Variants in RAB8A observed in about 807,000 individuals in gnomAD.
RAB8A encodes RAB8A, member RAS oncogene family.
A neutral mutation model predicts 29.2 loss-of-function variants in RAB8A; 5 were observed. The ratio of observed to expected loss-of-function variants is 0.17; its 90% CI spans 0.09 to 0.36. The LOEUF is 0.36. Ranked by LOEUF, RAB8A falls within the 10% of genes least tolerant of loss-of-function variation. RAB8A has a pLI of 1.00. For synonymous variants in RAB8A, 108 were observed against 99.9 expected, an observed-to-expected ratio of 1.08 and a Z score of -0.49; for missense variants, 171 against 272.2, an observed-to-expected ratio of 0.63 and a Z score of 2.62.
intron 2 of RAB8A, among the ~76,000 whole-genome samples, chr19:16,120,342 TCA>T (rs1019033030): frequency 4.1e-5 from 6 of 147,282 alleles, no homozygotes; most frequent in African/African-American, 1.3e-4. Flanking sequence ...TGACAAAGTC[TCA>T]CTCTGTCACC....
intron 2 of RAB8A, among the ~76,000 whole-genome samples, chr19:16,118,964 C>T (rs1276542387): frequency 1.3e-5 from 2 of 152,226 alleles, no homozygotes; most frequent in South Asian, 2.1e-4. Flanking sequence ...GCCCTGCACA[C>T]ATGCCACTCG....
intron 2 of RAB8A, among the ~76,000 whole-genome samples, chr19:16,121,037 C>A (rs142281554): frequency 0.015 from 2,262 of 151,874 alleles, 56 homozygotes; most frequent in African/African-American, 0.052. Flanking sequence ...CTGCCTCAGC[C>A]TCCCAGGTAG....
rs973977710 is a variant in RAB8A at position 16,133,457 on chromosome 19, T to C, written c.*1153T>C. 3.9e-5 allele frequency: 6 copies of C among 152,210 alleles called. No individual in the cohort carries two copies. The highest frequency in any genetic ancestry group is 7.4e-5 in the Non-Finnish European group (5 of 67,954). The allele number at this position is 152,210 out of a possible 1,614,324, so 9.4% of individuals were successfully genotyped here. On this transcript the variant is annotated 3_prime_UTR_variant, in exon 8 of 8. Coordinates refer to ENST00000300935, the MANE Select transcript of RAB8A (RefSeq NM_005370.5). Reference sequence around the variant, plus strand: ...CAGCCTTTTCTTTTTTTCTTTCTTTTTTTTTTTTTCCTCCTTAAGCTGCTG... The same window carrying C: ...CAGCCTTTTCTTTTTTTCTTTCTTTCTTTTTTTTTCCTCCTTAAGCTGCTG...
intron 7 of RAB8A, among the ~76,000 whole-genome samples, chr19:16,131,852 AT>A (rs2090925767): frequency 7.0e-6 from 1 of 142,406 alleles, no homozygotes; most frequent in African/African-American, 2.6e-5. Context: ...GTATAGATGG[AT>A]GGTTGGTTGG....
At chr19:16,121,350 G>T (rs573988731) in intron 2 of RAB8A, among the ~76,000 whole-genome samples, 6 of 152,336 alleles carry the variant, frequency 3.9e-5, no homozygotes, top group African/African-American at 1.2e-4. Flanking sequence ...CAGATGAGGA[G>T]GGACTTTCCC....
intron 6 of RAB8A, among the ~76,000 whole-genome samples, chr19:16,129,255 C>T (rs111951671): frequency 4.6e-5 from 7 of 152,214 alleles, no homozygotes; most frequent in Admixed American, 2.6e-4. Flanking sequence ...AACTGAGTGT[C>T]GCCCCATCTC....
At chr19:16,120,999 C>T (rs1212089404) in intron 2 of RAB8A, among the ~76,000 whole-genome samples, 3 of 151,742 alleles carry the variant, frequency 2.0e-5, no homozygotes, top group African/African-American at 7.3e-5. Context: ...TCACTGCAGC[C>T]TCCACCTCCT....
At position 16,122,732 on chromosome 19, in the gene RAB8A, G is replaced by T. The variant is rs2090880582; in HGVS notation, c.246+922G>T. Among the ~76,000 whole-genome samples, 1 of 152,180 alleles carries T rather than the reference G, an allele frequency of 6.6e-6. No individual in the cohort carries two copies. Among genetic ancestry groups the T allele is most frequent in the Non-Finnish European group, 1.5e-5 (1 of 68,038 alleles). ...AGACTTGTGGAGGGTGGAGATGGAA[G>T]GAGGCATTATGTGTTTAGAGCATCC... On this transcript the variant is annotated intron_variant, in intron 3 of 7. Transcript: ENST00000300935. This position sits in a 1 kb window ranked among gnomAD's most constrained non-coding sequence, Gnocchi z 4.7.
At chr19:16,129,331 A>C (rs1386823333) in intron 6 of RAB8A, among the ~76,000 whole-genome samples, 1 of 151,694 alleles carries the variant, frequency 6.6e-6, no homozygotes, top group African/African-American at 2.4e-5. Flanking sequence ...TGCGGAAGTG[A>C]GAGTTGATGT....
At chr19:16,121,997 C>A in intron 3 of RAB8A, 187 bp downstream of exon 3, 1 of 539,660 alleles carries the variant, frequency 1.9e-6, no homozygotes. Flanking sequence ...TACATACCTC[C>A]CCTTCTGGCT....
chr19:16,127,496 G>C lies in RAB8A; in HGVS notation c.384G>C (p.Lys128Asn), dbSNP rs369762374. 3.9e-6 allele frequency: 6 copies of C among 1,544,750 alleles called. No individual in the cohort carries two copies. The highest frequency in any genetic ancestry group is 5.2e-6 in the Non-Finnish European group (6 of 1,149,402). The change falls in exon 5 of 8, where the codon AAG (lysine) becomes AAC (asparagine). Residue 128 changes from lysine to asparagine, a missense_variant. Lys to Asn is a moderately conservative substitution (Grantham distance 94). Around this residue, in one of 3 missense-constraint regions of RAB8A, gnomAD observed 145 missense variants for 212.8 expected, o/e 0.68. Transcript: ENST00000300935. This position sits in a 1 kb window ranked among gnomAD's most constrained non-coding sequence, Gnocchi z 4.8. ...ILGNKCDVNDKRQVSKERGEK... is the reference protein window; with the variant it reads ...ILGNKCDVNDNRQVSKERGEK... ...GGAACAAGTGTGATGTGAATGACAAGAGACAAGTTTCCAAGGAACGGGGAG... is the reference window on the plus strand; with the variant it reads ...GGAACAAGTGTGATGTGAATGACAACAGACAAGTTTCCAAGGAACGGGGAG...
At chr19:16,118,868 G>A (rs2090859534) in intron 2 of RAB8A, among the ~76,000 whole-genome samples, 1 of 152,200 alleles carries the variant, frequency 6.6e-6, no homozygotes, top group Admixed American at 6.5e-5. Context: ...ATACAATTAG[G>A]GAAGTGGGGA....
rs2090893691 is a variant in RAB8A at position 16,125,178 on chromosome 19, C to T, written c.247-292C>T. On this transcript the variant is annotated intron_variant, in intron 3 of 7. Coordinates refer to ENST00000300935, the MANE Select transcript of RAB8A (RefSeq NM_005370.5). This position sits in a 1 kb window ranked among gnomAD's most constrained non-coding sequence, Gnocchi z 5.0. ...CCCGTGGGCCATGAGGGGAGCCAGCCGGGCTTGTCAGCGAGTGCGTGGCAG... is the reference window on the plus strand; with the variant it reads ...CCCGTGGGCCATGAGGGGAGCCAGCTGGGCTTGTCAGCGAGTGCGTGGCAG... 2 of 504,710 alleles carry T rather than the reference C, an allele frequency of 4.0e-6. No individual in the cohort carries two copies. Among genetic ancestry groups the T allele is most frequent in the South Asian group, 2.2e-5 (1 of 45,750 alleles). The allele number at this position is 504,710 out of a possible 1,614,324, so 31.3% of individuals were successfully genotyped here.
intron 1 of RAB8A, among the ~76,000 whole-genome samples, chr19:16,113,766 C>T (rs2090834282): frequency 2.0e-5 from 3 of 152,308 alleles, no homozygotes; most frequent in South Asian, 2.1e-4. Flanking sequence ...GAAATCATTA[C>T]GTCTGGTTTC....
chr19:16,128,755 G>A (rs900595408), intron 6 of RAB8A, among the ~76,000 whole-genome samples: 14 of 152,110 alleles, frequency 9.2e-5, no homozygotes, highest in South Asian at 2.1e-4. Flanking sequence ...TCTCCAATAC[G>A]TCACTGCATT....
chr19:16,128,927 G>A (rs532444919), intron 6 of RAB8A, among the ~76,000 whole-genome samples: 1 of 152,358 alleles, frequency 6.6e-6, no homozygotes, highest in East Asian at 1.9e-4. Context: ...GGGGATGTAT[G>A]TTGGGATCAC....
rs376957977 is a variant in RAB8A at position 16,125,414 on chromosome 19, C to T, written c.247-56C>T. The T allele has an allele frequency of 6.7e-7, 1 of 1,490,200 alleles. No individual in the cohort carries two copies. The highest frequency in any genetic ancestry group is 1.1e-5 in the South Asian group (1 of 87,082). 92.3% of individuals were successfully genotyped at this position (1,490,200 alleles called of 1,614,324 possible). On this transcript the variant is annotated intron_variant, in intron 3 of 7. Coordinates refer to ENST00000300935, the MANE Select transcript of RAB8A (RefSeq NM_005370.5). This position sits in a 1 kb window ranked among gnomAD's most constrained non-coding sequence, Gnocchi z 5.0. ...CCACTGTTCTCTGGTGCCGCTGAGG[C>T]CTCCCTTCCAGAGCCTGCAGCCGAT...
chr19:16,120,301 A>T (rs918698568), intron 2 of RAB8A, among the ~76,000 whole-genome samples: 51 of 145,692 alleles, frequency 3.5e-4, no homozygotes, highest in Admixed American at 7.1e-5. Flanking sequence ...CCAATCAGTT[A>T]GGTCACCTTT....
chr19:16,116,511 A>AT (rs762768250), intron 1 of RAB8A, among the ~76,000 whole-genome samples: 11 of 152,180 alleles, frequency 7.2e-5, no homozygotes, highest in Non-Finnish European at 1.5e-4. Context: ...ATTTGGGAAC[A>AT]TTTTTATTAT....
Sources: allele counts gnomAD v4.1 joint callset (sites outside exome capture counted in the v4.1 genomes callset), GRCh38; gene constraint gnomAD v4.1.1; regional missense constraint gnomAD v4.1.1; non-coding constraint Gnocchi (gnomAD v3.1); transcripts MANE v1.5; gene names NCBI Gene and HGNC (gene_info 2026-07-23, HGNC 2026-07-21).